The following RCC2 variants were observed in gnomAD, a reference collection of about 807,000 sequenced individuals.
The protein encoded by RCC2 is protein RCC2.
In RCC2, 19 loss-of-function variants were observed where a neutral mutation model predicts 64.1. The ratio of observed to expected loss-of-function variants is 0.30; its 90% confidence interval spans 0.21 to 0.44. The LOEUF is 0.44. RCC2 is among the 20% of genes least tolerant of loss of function. RCC2 has a pLI of 1.00. For missense variants in RCC2, 508 were observed against 710.4 expected (o/e 0.72, Z 3.24); for synonymous variants, 325 against 279.6 (o/e 1.16, Z -1.62).
chr1:17,423,465 C>T (rs2075578548), intron 4 of RCC2, among the ~76,000 whole-genome samples: 1 of 152,228 alleles, frequency 6.6e-6, no homozygotes, highest in Admixed American at 6.5e-5. Flanking sequence ...CCCAGCCCCA[C>T]CTCCAGGACT....
At chr1:17,435,492 C>T (rs1012566357) in intron 2 of RCC2, among the ~76,000 whole-genome samples, 1 of 152,232 alleles carries the variant, frequency 6.6e-6, no homozygotes, top group Non-Finnish European at 1.5e-5. Flanking sequence ...GTCCCTAGGA[C>T]TGCTCAACAG....
At chr1:17,433,042 A>T (rs944993340) in intron 2 of RCC2, among the ~76,000 whole-genome samples, 1 of 152,200 alleles carries the variant, frequency 6.6e-6, no homozygotes, top group African/African-American at 2.4e-5. Flanking sequence ...ACACATATAC[A>T]TACGTGTGTA....
At chr1:17,419,856 CGAAATGT>C (rs754880332) in intron 7 of RCC2, among the ~76,000 whole-genome samples, 21 of 152,196 alleles carry the variant, frequency 1.4e-4, no homozygotes, top group Admixed American at 2.0e-4. Flanking sequence ...GCAACCAACG[CGAAATGT>C]GAAATGTGCG....
chr1:17,438,868 A>C (rs1399878956), intron 1 of RCC2, among the ~76,000 whole-genome samples: 2 of 152,188 alleles, frequency 1.3e-5, no homozygotes, highest in Non-Finnish European at 2.9e-5. Flanking sequence ...ACCAGCCTCC[A>C]GTCCCCTAGA....
chr1:17,418,808 T>C (rs750449641), intron 7 of RCC2, among the ~76,000 whole-genome samples: 19 of 152,228 alleles, frequency 1.2e-4, no homozygotes, highest in Non-Finnish European at 2.5e-4. Flanking sequence ...ACTTGCACTC[T>C]TCCGGACAAG....
chr1:17,420,048 C>G (rs1192477550), intron 7 of RCC2, among the ~76,000 whole-genome samples: 3 of 152,206 alleles, frequency 2.0e-5, no homozygotes, highest in Non-Finnish European at 1.5e-5. Context: ...CGCCACACCT[C>G]GCGGAGGCCT....
intron 4 of RCC2, 84 bp downstream of exon 4, chr1:17,425,457 T>G: frequency 2.2e-6 from 3 of 1,386,882 alleles, no homozygotes; most frequent in Non-Finnish European, 2.9e-6. Flanking sequence ...CGCGAGTCTC[T>G]TTTCCAGGCA....
chr1:17,427,802 G>GCTGGAGGGA (rs980434867), intron 3 of RCC2, among the ~76,000 whole-genome samples: 3 of 152,014 alleles, frequency 2.0e-5, no homozygotes, highest in Non-Finnish European at 2.9e-5. Context: ...CCAAGGAAGG[G>GCTGGAGGGA]CTGGAGGGAC....
intron 4 of RCC2, among the ~76,000 whole-genome samples, chr1:17,424,030 A>C (rs2075586089): frequency 6.6e-6 from 1 of 152,174 alleles, no homozygotes; most frequent in African/African-American, 2.4e-5. Context: ...TTCCAATGGG[A>C]GCTGCCCAAG....
intron 8 of RCC2, among the ~76,000 whole-genome samples, chr1:17,415,128 G>A (rs2075469007): frequency 1.3e-5 from 2 of 152,186 alleles, no homozygotes; most frequent in South Asian, 4.1e-4. Context: ...TGGCCTATAA[G>A]GCCCTAAACA....
At chr1:17,410,317 A>C (rs2075410896) in intron 11 of RCC2, among the ~76,000 whole-genome samples, 1 of 152,210 alleles carries the variant, frequency 6.6e-6, no homozygotes, top group Non-Finnish European at 1.5e-5. Flanking sequence ...TTCTGTGTGC[A>C]CAAGTCCCTT....
chr1:17,408,884 GA>G lies in RCC2; in HGVS notation c.*205del, dbSNP rs959200638. The stretch of plus-strand genomic sequence containing the variant: ...CAAGTATTTTAATTCAACATTAAGG[GA>G]AAAAAAAGGACTTTGGAAAGCATAC... On this transcript the variant is annotated 3_prime_UTR_variant, in exon 13 of 13. Coordinates refer to ENST00000375436, the MANE Select transcript of RCC2 (RefSeq NM_018715.4). The G allele has an allele frequency of 1.5e-4, 76 of 520,926 alleles. No individual in the cohort carries two copies. The highest frequency in any genetic ancestry group is 5.2e-4 in the Middle Eastern group (1 of 1,930). 32.3% of individuals were successfully genotyped at this position (520,926 alleles called of 1,614,324 possible).
At chr1:17,427,895 G>A (rs1250561116) in intron 3 of RCC2, among the ~76,000 whole-genome samples, 2 of 152,176 alleles carry the variant, frequency 1.3e-5, no homozygotes, top group Admixed American at 6.5e-5. Flanking sequence ...CGGTCAGACT[G>A]AGAAGTCAAT....
At chr1:17,423,268 T>C (rs2100374161) in intron 4 of RCC2, among the ~76,000 whole-genome samples, 1 of 152,364 alleles carries the variant, frequency 6.6e-6, no homozygotes, top group Non-Finnish European at 1.5e-5. Flanking sequence ...CAGAGTTTAA[T>C]CACTTTGGTG....
At chr1:17,429,033 T>C (rs1432484091) in intron 3 of RCC2, 73 bp downstream of exon 3, 12 of 1,166,556 alleles carry the variant, frequency 1.0e-5, no homozygotes, top group Middle Eastern at 1.9e-4. Context: ...AGGGAATACC[T>C]ACCAGGCAGG....
At chr1:17,426,314 C>T (rs2075615646) in intron 3 of RCC2, among the ~76,000 whole-genome samples, 1 of 152,160 alleles carries the variant, frequency 6.6e-6, no homozygotes, top group Non-Finnish European at 1.5e-5. Flanking sequence ...CACACAGTAT[C>T]ACCCCACCTC....
chr1:17,424,404 C>T (rs2075590483), intron 4 of RCC2, among the ~76,000 whole-genome samples: 3 of 152,334 alleles, frequency 2.0e-5, no homozygotes, highest in South Asian at 4.1e-4. Flanking sequence ...GTTTGGAACA[C>T]TGACATAAAA....
chr1:17,413,058 G>A lies in RCC2; in HGVS notation c.1313+15C>T, dbSNP rs975002397. Reference sequence around the variant, plus strand: ...AGGAAGAGACCTCATACCCACAGGAGATGCTGCCACCTACCCACAAGCCAG... The same window carrying A: ...AGGAAGAGACCTCATACCCACAGGAAATGCTGCCACCTACCCACAAGCCAG... On this transcript the variant is annotated intron_variant, in intron 10 of 12. Transcript: ENST00000375436. The A allele has an allele frequency of 6.3e-7, 1 of 1,587,954 alleles. No homozygotes were observed. Among genetic ancestry groups the A allele is most frequent in the South Asian group, 1.1e-5 (1 of 90,482 alleles).
chr1:17,417,550 G>C (rs1396349183), intron 7 of RCC2, among the ~76,000 whole-genome samples: 1 of 152,132 alleles, frequency 6.6e-6, no homozygotes, highest in Non-Finnish European at 1.5e-5. Flanking sequence ...GGGCGTGGTG[G>C]TGGGTGCCTA....
Sources: gnomAD v4.1 joint callset for allele counts (sites outside exome capture counted in the v4.1 genomes callset) on GRCh38, gnomAD v4.1.1 for gene constraint, MANE v1.5 for transcripts, NCBI Gene and HGNC (gene_info 2026-07-23, HGNC 2026-07-21) for gene names.